Variants in CAMK2D observed in about 807,000 individuals in gnomAD.
CAMK2D encodes calcium/calmodulin-dependent protein kinase type II subunit delta.
A neutral mutation model predicts 84.0 loss-of-function variants in CAMK2D; 37 were observed. The ratio of observed to expected loss-of-function variants is 0.44; its 90% confidence interval spans 0.34 to 0.58. CAMK2D has a LOEUF of 0.58. CAMK2D is among the 20% of genes least tolerant of loss of function. The pLI is 0.02. For synonymous variants in CAMK2D, 202 were observed against 212.5 expected, an observed-to-expected ratio of 0.95 and a Z score of 0.43; for missense variants, 448 against 652.5, an observed-to-expected ratio of 0.69 and a Z score of 3.41.
Position 113,517,795 on chromosome 4 carries a change from G to A in CAMK2D, c.602-138C>T, listed in dbSNP as rs1457512335. The A allele has an allele frequency of 2.4e-5, 13 of 546,620 alleles. No homozygotes were observed. The South Asian group carries it at 3.3e-4, about 14-fold the overall frequency. 33.9% of individuals were successfully genotyped at this position (546,620 alleles called of 1,614,324 possible). A position where few individuals can be genotyped will look rare whatever the true frequency, so the allele number is the denominator to read the frequency against. On this transcript the variant is annotated intron_variant, in intron 8 of 20. Coordinates refer to ENST00000511664, the MANE Select transcript of CAMK2D (RefSeq NM_001321571.2). Reference sequence around the variant, plus strand: ...TTGTAGGAAAACTTCAGAAAGATGTGTTATGATCTAGTCTAGAGCAGTCTC... The same window carrying A: ...TTGTAGGAAAACTTCAGAAAGATGTATTATGATCTAGTCTAGAGCAGTCTC...
At chr4:113,590,968 C>A (rs2098874442) in intron 4 of CAMK2D, among the ~76,000 whole-genome samples, 1 of 152,058 alleles carries the variant, frequency 6.6e-6, no homozygotes, top group African/African-American at 2.4e-5. Flanking sequence ...AATAATAAGT[C>A]AACATTAAAC....
chr4:113,595,748 T>C (rs1197504506), intron 4 of CAMK2D, among the ~76,000 whole-genome samples: 1 of 152,208 alleles, frequency 6.6e-6, no homozygotes, highest in African/African-American at 2.4e-5. Context: ...ATCATAATTT[T>C]AAAATACTTT....
chr4:113,733,825 G>A (rs1293745106), intron 2 of CAMK2D, among the ~76,000 whole-genome samples: 2 of 148,600 alleles, frequency 1.3e-5, no homozygotes, highest in East Asian at 1.9e-4. Flanking sequence ...TAATTATAAT[G>A]AGCCTCTTTA....
rs148322128 is a variant in CAMK2D, at chr4:113,509,685, G to T, written c.947-10C>A. ...AACAAACTCTTGGCTGCTGTAAAAT[G>T]AGAGTAAAATCAGTTTAGTGAGTTA... On this transcript the variant is annotated splice_polypyrimidine_tract_variant and intron_variant, in intron 12 of 20. Transcript: ENST00000511664. The T allele has an allele frequency of 3.7e-6, 6 of 1,603,674 alleles. No homozygotes were observed. The highest frequency in any genetic ancestry group is 4.5e-5 in the East Asian group (2 of 44,814).
chr4:113,546,690 A>T (rs192243069), intron 6 of CAMK2D, among the ~76,000 whole-genome samples: 7 of 152,316 alleles, frequency 4.6e-5, no homozygotes, highest in Admixed American at 2.0e-4. Flanking sequence ...CCTTTGTCCT[A>T]ATGCCTAGAA....
chr4:113,507,776 A>C (rs2098149752), intron 13 of CAMK2D, among the ~76,000 whole-genome samples: 1 of 152,198 alleles, frequency 6.6e-6, no homozygotes, highest in East Asian at 1.9e-4. Context: ...AAGGTTAATA[A>C]ACATTTCCTT....
chr4:113,639,355 C>T (rs2099122962), intron 3 of CAMK2D, among the ~76,000 whole-genome samples: 1 of 152,014 alleles, frequency 6.6e-6, no homozygotes, highest in African/African-American at 2.4e-5. Context: ...GATCTAATGA[C>T]AATTTGTTTG....
intron 4 of CAMK2D, among the ~76,000 whole-genome samples, chr4:113,603,481 G>A (rs1001882623): frequency 2.1e-5 from 3 of 143,552 alleles, no homozygotes; most frequent in Non-Finnish European, 4.5e-5. Context: ...GTAAACTATC[G>A]CAAGAACAAA....
At chr4:113,706,028 C>T (rs1305634247) in intron 2 of CAMK2D, among the ~76,000 whole-genome samples, 1 of 152,108 alleles carries the variant, frequency 6.6e-6, no homozygotes, top group African/African-American at 2.4e-5. Flanking sequence ...AAAATTGCTC[C>T]TCATGAGTAA....
intron 2 of CAMK2D, among the ~76,000 whole-genome samples, chr4:113,745,089 C>T (rs529060762): frequency 6.8e-4 from 103 of 152,266 alleles, no homozygotes; most frequent in Non-Finnish European, 1.1e-3. Flanking sequence ...GCCAATCCAT[C>T]GTATTCATTC....
intron 3 of CAMK2D, among the ~76,000 whole-genome samples, chr4:113,624,691 T>A (rs771908530): frequency 6.6e-6 from 1 of 152,176 alleles, no homozygotes; most frequent in Non-Finnish European, 1.5e-5. Flanking sequence ...CTGGCATACA[T>A]AAGAAACTGC....
At chr4:113,588,433 C>A (rs1264214236) in intron 4 of CAMK2D, among the ~76,000 whole-genome samples, 1 of 152,160 alleles carries the variant, frequency 6.6e-6, no homozygotes, top group Non-Finnish European at 1.5e-5. Flanking sequence ...TTAGACCATA[C>A]AGGCATAACT....
intron 4 of CAMK2D, among the ~76,000 whole-genome samples, 157 bp from the exon 5 acceptor site, chr4:113,552,253 T>C (rs1458894579): frequency 6.6e-6 from 1 of 152,210 alleles, no homozygotes; most frequent in Non-Finnish European, 1.5e-5. Context: ...GTCAAATCTA[T>C]ACTACACTAA....
chr4:113,613,182 C>T (rs1051119392), intron 3 of CAMK2D, among the ~76,000 whole-genome samples: 1 of 152,070 alleles, frequency 6.6e-6, no homozygotes, highest in African/African-American at 2.4e-5. Context: ...TTAATATATG[C>T]AAGCACCACA....
Position 113,638,820 on chromosome 4 carries a change from A to G in CAMK2D, c.220+22893T>C, listed in dbSNP as rs1184063961. Among the ~76,000 whole-genome samples the G allele has an allele frequency of 2.0e-5, 3 of 152,182 alleles. No homozygotes were observed. The East Asian group carries it at 5.8e-4, about 29-fold the overall frequency. On this transcript the variant is annotated intron_variant, in intron 3 of 20. Transcript: ENST00000511664. ...AGTCCAAAGACATGTTAGGGAGACA[A>G]TTGTGGTAAGGTGGAATTTCTCATG...
intron 1 of CAMK2D, 79 bp from the exon 2 acceptor site, chr4:113,759,493 T>G (rs1201761337): frequency 1.1e-6 from 1 of 880,094 alleles, no homozygotes; most frequent in African/African-American, 1.7e-5. Context: ...TGAGCATTTT[T>G]ATTGATTTTA....
intron 2 of CAMK2D, among the ~76,000 whole-genome samples, chr4:113,746,114 TCC>T (rs2099603582): frequency 6.6e-6 from 1 of 152,218 alleles, no homozygotes; most frequent in Admixed American, 6.5e-5. Flanking sequence ...GCCTCTTTTA[TCC>T]CCTAAGCTTG....
At chr4:113,754,488 TCA>T in intron 2 of CAMK2D, 9 of 929,376 alleles carry the variant, frequency 9.7e-6, no homozygotes, top group African/African-American at 1.8e-5. Flanking sequence ...ATTTTTATAT[TCA>T]GTTTATTCAA....
At chr4:113,608,719 C>T (rs545390423) in intron 4 of CAMK2D, among the ~76,000 whole-genome samples, 10 of 152,218 alleles carry the variant, frequency 6.6e-5, no homozygotes, top group Non-Finnish European at 5.9e-5. Flanking sequence ...TTGCTGACAG[C>T]GCCTCACTTT....
Sources: gnomAD v4.1 joint callset for allele counts (sites outside exome capture counted in the v4.1 genomes callset) on GRCh38, gnomAD v4.1.1 for gene constraint, MANE v1.5 for transcripts, NCBI Gene and HGNC (gene_info 2026-07-23, HGNC 2026-07-21) for gene names.